DAB1: variants seen among roughly 807,000 people sequenced by gnomAD.
The protein encoded by DAB1 is disabled homolog 1.
In DAB1, 15 loss-of-function variants were observed where a neutral mutation model predicts 64.6. That is an observed-to-expected ratio of 0.23 (90% CI 0.16 to 0.36). The LOEUF (loss-of-function observed/expected upper bound fraction) is 0.36, where lower values mean the gene tolerates loss of function less well. Ranked by LOEUF, DAB1 falls within the 10% of genes least tolerant of loss-of-function variation. The probability of loss-of-function intolerance (pLI) is 1.00; values close to 1 mark genes in which losing one functional copy is unlikely to be tolerated. For missense variants in DAB1, 596 were observed against 706.7 expected (o/e 0.84, Z 1.78); for synonymous variants, 235 against 251.9 (o/e 0.93, Z 0.64).
At chr1:58,511,164 C>A (rs1000519628) in intron 2 of DAB1, among the ~76,000 whole-genome samples, 18 of 152,098 alleles carry the variant, frequency 1.2e-4, no homozygotes, top group African/African-American at 4.3e-4. Flanking sequence ...AACCCCAAAT[C>A]GCCAAAGCAA....
intron 1 of DAB1, among the ~76,000 whole-genome samples, chr1:57,403,533 A>G (rs1375062083): frequency 1.3e-5 from 2 of 152,178 alleles, no homozygotes; most frequent in African/African-American, 4.8e-5. Flanking sequence ...GCCCACATAG[A>G]GTCAAAATTC....
chr1:57,776,026 T>C (rs1231374866), intron 6 of DAB1, among the ~76,000 whole-genome samples: 1 of 151,822 alleles, frequency 6.6e-6, no homozygotes, highest in Non-Finnish European at 1.5e-5. Flanking sequence ...ATAGTTTCTC[T>C]AGATTTTTTA....
At chr1:57,380,594 A>T (rs1033876928) in intron 1 of DAB1, among the ~76,000 whole-genome samples, 10 of 152,236 alleles carry the variant, frequency 6.6e-5, no homozygotes, top group African/African-American at 2.2e-4. Context: ...TAATGAGTAC[A>T]ATGTGTTTAT....
chr1:57,691,280 C>T (rs964742623), intron 6 of DAB1, among the ~76,000 whole-genome samples: 1 of 152,056 alleles, frequency 6.6e-6, no homozygotes, highest in African/African-American at 2.4e-5. Flanking sequence ...TGTAAACACA[C>T]CAATCAGCAC....
At chr1:57,182,445 G>A (rs903838217) in intron 2 of DAB1, among the ~76,000 whole-genome samples, 2 of 152,114 alleles carry the variant, frequency 1.3e-5, no homozygotes, top group Non-Finnish European at 2.9e-5. Flanking sequence ...GCAGATACGG[G>A]GCTAGAGCCC....
chr1:57,261,455 T>C (rs1034966524), intron 2 of DAB1, among the ~76,000 whole-genome samples: 4 of 152,166 alleles, frequency 2.6e-5, no homozygotes, highest in Non-Finnish European at 5.9e-5. Flanking sequence ...ATTTAGCAAG[T>C]GTGTTGTTTA....
rs562387657 is a variant in DAB1 at position 58,225,265 on chromosome 1, C to G, written n.310-74677G>C. Among the ~76,000 whole-genome samples the G allele has an allele frequency of 2.2e-4, 34 of 152,186 alleles. No homozygotes were observed. In the South Asian group the frequency reaches 6.7e-3, roughly 30 times the overall value. ...TGCAAATCAAAACCACAATGAGATA[C>G]CATCTCACACCAGTTAGAATGGCAA... On this transcript the variant is annotated intron_variant and non_coding_transcript_variant, in intron 4 of 20. Transcript: ENST00000485760.
intron 5 of DAB1, among the ~76,000 whole-genome samples, chr1:57,927,916 G>A (rs899765792): frequency 1.3e-5 from 2 of 152,076 alleles, no homozygotes; most frequent in African/African-American, 4.8e-5. Flanking sequence ...TTTATCATAT[G>A]TGTACTCATC....
intron 2 of DAB1, among the ~76,000 whole-genome samples, chr1:58,508,319 A>G (rs1055983058): frequency 6.6e-6 from 1 of 152,228 alleles, no homozygotes. Flanking sequence ...AGGAAAAATA[A>G]GTAACAGGTT....
At chr1:58,301,808 A>T (rs971303768) in intron 4 of DAB1, among the ~76,000 whole-genome samples, 1 of 152,170 alleles carries the variant, frequency 6.6e-6, no homozygotes, top group African/African-American at 2.4e-5. Context: ...AAAAACGGTT[A>T]ATCTTACTGT....
At position 57,446,345 on chromosome 1, in the gene DAB1, C is replaced by G. The variant is rs930589940; in HGVS notation, n.626-155179G>C. 7.9e-5 allele frequency among the ~76,000 whole-genome samples: 12 copies of G among 152,090 alleles called. 1 individual carries two copies. Among genetic ancestry groups the G allele is most frequent in the Admixed American group, 7.2e-4 (11 of 15,266 alleles). ...AGGCGTGGTGGCTCATGCCTGTAAT[C>G]CCAGCACTTTGGGAGGCTGAGGTGG... On this transcript the variant is annotated intron_variant and non_coding_transcript_variant, in intron 7 of 20. Transcript: ENST00000485760.
chr1:58,185,622 C>T (rs1657032280), intron 4 of DAB1, among the ~76,000 whole-genome samples: 1 of 152,136 alleles, frequency 6.6e-6, no homozygotes, highest in South Asian at 2.1e-4. Flanking sequence ...TCTGGCACTA[C>T]TTCTGGCAAA....
intron 6 of DAB1, among the ~76,000 whole-genome samples, chr1:57,735,370 G>A (rs1002820954): frequency 6.6e-6 from 1 of 152,102 alleles, no homozygotes; most frequent in Non-Finnish European, 1.5e-5. Flanking sequence ...CTGGAGGTTT[G>A]AAGTTTCAAT....
intron 1 of DAB1, among the ~76,000 whole-genome samples, chr1:57,352,338 C>T (rs1280904321): frequency 1.3e-5 from 2 of 152,124 alleles, no homozygotes; most frequent in Admixed American, 1.3e-4. Context: ...TACTTAAGTA[C>T]AGTAGATGAC....
At chr1:57,474,900 G>A (rs895582702) in intron 7 of DAB1, among the ~76,000 whole-genome samples, 20 of 152,088 alleles carry the variant, frequency 1.3e-4, no homozygotes, top group Non-Finnish European at 2.6e-4. Context: ...AAGAGAAGAA[G>A]TATTGGGTCT....
rs187321547 is a variant in DAB1 at position 57,675,973 on chromosome 1, G to A, written n.552-26308C>T. On this transcript the variant is annotated intron_variant and non_coding_transcript_variant, in intron 6 of 20. Coordinates refer to the DAB1 transcript ENST00000485760. ...TAGCAAAACAGCACCCAGAAGTAGA[G>A]AACAATGCTTTAGACAATAATTCTG... 9.2e-5 allele frequency among the ~76,000 whole-genome samples: 14 copies of A among 152,278 alleles called. No individual in the cohort carries two copies. The East Asian group carries it at 2.7e-3, about 29-fold the overall frequency.
At chr1:57,644,451 T>C (rs1646168296) in intron 7 of DAB1, among the ~76,000 whole-genome samples, 1 of 152,150 alleles carries the variant, frequency 6.6e-6, no homozygotes, top group African/African-American at 2.4e-5. Context: ...GAATTCCCTA[T>C]TATAAAAAGC....
In DAB1 at chr1:58,174,096, C is replaced by CAGAG. The variant is rs368490738; in HGVS notation, n.310-23509_310-23508insCTCT. 4.0e-3 allele frequency among the ~76,000 whole-genome samples: 608 copies of CAGAG among 152,308 alleles called. 4 individuals are homozygous for CAGAG. The highest frequency in any genetic ancestry group is 0.014 in the African/African-American group (591 of 41,564). Reference sequence around the variant, plus strand: ...TCTCCAAAACTGCCAAGGCCTAGACCTCCTCACTGCTGAGAAAGGAGGACT... The same window carrying CAGAG: ...TCTCCAAAACTGCCAAGGCCTAGACCAGAGTCCTCACTGCTGAGAAAGGAGGACT... On this transcript the variant is annotated intron_variant and non_coding_transcript_variant, in intron 4 of 20. Coordinates refer to the DAB1 transcript ENST00000485760.
At chr1:57,165,439 C>T (rs993351811) in intron 2 of DAB1, among the ~76,000 whole-genome samples, 17 of 152,036 alleles carry the variant, frequency 1.1e-4, no homozygotes, top group African/African-American at 4.1e-4. Flanking sequence ...TAGGATAAAA[C>T]AATCAATAGA....
Sources: gnomAD v4.1 joint callset for allele counts (sites outside exome capture counted in the v4.1 genomes callset) on GRCh38, gnomAD v4.1.1 for gene constraint, MANE v1.5 for transcripts, NCBI Gene and HGNC (gene_info 2026-07-23, HGNC 2026-07-21) for gene names.